Variants in RCC2 observed in about 807,000 individuals in gnomAD.
RCC2 encodes protein RCC2.
RCC2 carries 19 observed loss-of-function variants against 64.1 expected under a neutral mutation model. The ratio of observed to expected loss-of-function variants is 0.30; its 90% CI spans 0.21 to 0.44. The LOEUF is 0.44. Ranked by LOEUF, RCC2 falls within the 20% of genes least tolerant of loss-of-function variation. RCC2 has a pLI of 1.00. For synonymous variants in RCC2, 325 were observed against 279.6 expected (o/e 1.16, Z -1.62); for missense variants, 508 against 710.4 (o/e 0.72, Z 3.24).
intron 5 of RCC2, 112 bp downstream of exon 5, chr1:17,422,593 G>T (rs2075567356): frequency 1.4e-6 from 2 of 1,404,202 alleles, no homozygotes; most frequent in South Asian, 1.3e-5. Flanking sequence ...GCCTCTTTCT[G>T]ATCCTGACCA....
At chr1:17,431,726 C>T (rs980752949) in intron 2 of RCC2, among the ~76,000 whole-genome samples, 2 of 151,832 alleles carry the variant, frequency 1.3e-5, no homozygotes, top group African/African-American at 4.8e-5. Context: ...GGTTCCGTCA[C>T]GCTTGCCCAC....
intron 11 of RCC2, among the ~76,000 whole-genome samples, chr1:17,411,436 C>T (rs1038555050): frequency 5.3e-5 from 8 of 152,006 alleles, no homozygotes; most frequent in East Asian, 1.9e-4. Flanking sequence ...ATTAGCTGGG[C>T]GTGGTGGCAA....
intron 11 of RCC2, among the ~76,000 whole-genome samples, chr1:17,410,892 C>T (rs1388085145): frequency 1.3e-5 from 2 of 152,134 alleles, no homozygotes; most frequent in Non-Finnish European, 2.9e-5. Flanking sequence ...TTCTGATAGG[C>T]CCCAGAAAAC....
chr1:17,435,161 G>T (rs1443002695), intron 2 of RCC2, among the ~76,000 whole-genome samples: 1 of 152,108 alleles, frequency 6.6e-6, no homozygotes, highest in Non-Finnish European at 1.5e-5. Flanking sequence ...TGAGAGCGGA[G>T]GAAAAAAGAA....
chr1:17,409,020 T>C lies in RCC2; in HGVS notation c.*70A>G. 8.4e-7 allele frequency: 1 copy of C among 1,185,628 alleles called. No individual in the cohort carries two copies. The highest frequency in any genetic ancestry group is 1.3e-6 in the Non-Finnish European group (1 of 792,764). The allele number at this position is 1,185,628 out of a possible 1,614,324, so 73.4% of individuals were successfully genotyped here. On this transcript the variant is annotated 3_prime_UTR_variant, in exon 13 of 13. Transcript: ENST00000375436. ...GCTTTTTTAAATTCCTCGTTTGACT[T>C]CCCGTCCCAGTGCACATGGAAATGA...
At chr1:17,419,638 G>A (rs1029774391) in intron 7 of RCC2, among the ~76,000 whole-genome samples, 3 of 152,200 alleles carry the variant, frequency 2.0e-5, no homozygotes, top group Non-Finnish European at 1.5e-5. Context: ...ATGGTGCCTG[G>A]CACACACAGT....
chr1:17,412,002 G>C, intron 11 of RCC2, 120 bp downstream of exon 11: 1 of 850,034 alleles, frequency 1.2e-6, no homozygotes, highest in Non-Finnish European at 2.0e-6. Flanking sequence ...AATACAATAA[G>C]GGGGGAATCC....
chr1:17,410,697 CCCAGCCCAGG>C (rs2075415056), intron 11 of RCC2, among the ~76,000 whole-genome samples: 1 of 152,026 alleles, frequency 6.6e-6, no homozygotes, highest in South Asian at 2.1e-4. Flanking sequence ...ACCCTCCCTC[CCCAGCCCAGG>C]CCTGCCCACA....
intron 1 of RCC2, 83 bp from the exon 2 acceptor site, chr1:17,438,605 G>T: frequency 1.6e-6 from 2 of 1,219,268 alleles, no homozygotes; most frequent in Non-Finnish European, 2.1e-6. Flanking sequence ...GAGCCACCCG[G>T]CCTCCACTTC....
chr1:17,438,182 C>G, intron 2 of RCC2, 48 bp downstream of exon 2: 1 of 1,150,500 alleles, frequency 8.7e-7, no homozygotes, highest in Non-Finnish European at 1.1e-6. Context: ...TCGCTGAGCC[C>G]GCCGGCCCCG....
intron 4 of RCC2, among the ~76,000 whole-genome samples, chr1:17,423,880 G>A (rs562946567): frequency 4.0e-4 from 61 of 152,232 alleles, no homozygotes; most frequent in Non-Finnish European, 7.8e-4. Context: ...CAGCTGTCCT[G>A]GAGAAGGCTT....
intron 8 of RCC2, among the ~76,000 whole-genome samples, chr1:17,415,982 T>C (rs2075478929): frequency 6.7e-6 from 1 of 148,488 alleles, no homozygotes; most frequent in South Asian, 2.1e-4. Context: ...GGCAGGAGAA[T>C]TGCTTGAACC....
intron 5 of RCC2, 123 bp from the exon 6 acceptor site, chr1:17,422,414 T>C (rs2075565771): frequency 1.1e-6 from 1 of 908,924 alleles, no homozygotes; most frequent in African/African-American, 1.7e-5. Flanking sequence ...CAAGTGAGAC[T>C]GCCCAAAAGC....
intron 7 of RCC2, among the ~76,000 whole-genome samples, chr1:17,418,362 A>G (rs1053473989): frequency 6.6e-6 from 1 of 152,094 alleles, no homozygotes; most frequent in Admixed American, 6.5e-5. Context: ...GTCCGTTTAA[A>G]AGTCTGAGGG....
At position 17,412,230 on chromosome 1, in the gene RCC2, GC is replaced by G. The variant is rs370262803; in HGVS notation, c.1314-37del. On this transcript the variant is annotated intron_variant, in intron 10 of 12. Transcript: ENST00000375436. Reference sequence around the variant, plus strand: ...GCAGGCTGTCACTGCAGGGCCAGCAGCCCCAGACCTGCACCCACGCAGCTAT... The same window carrying G: ...GCAGGCTGTCACTGCAGGGCCAGCAGCCCAGACCTGCACCCACGCAGCTAT... 3.8e-4 allele frequency: 604 copies of G among 1,601,744 alleles called. 2 individuals carry two copies. In the African/African-American group the frequency reaches 7.4e-3, roughly 20 times the overall value.
chr1:17,438,273 G>GCGC lies in RCC2; in HGVS notation c.239_241dup (p.Gly80dup). 7.6e-7 allele frequency: 1 copy of GCGC among 1,309,956 alleles called. No individual in the cohort carries two copies. The highest frequency in any genetic ancestry group is 9.9e-7 in the Non-Finnish European group (1 of 1,012,444). The allele number at this position is 1,309,956 out of a possible 1,614,324, so 81.1% of individuals were successfully genotyped here. A position where few individuals can be genotyped will look rare whatever the true frequency, so the allele number is the denominator to read the frequency against. On this transcript the variant is annotated inframe_insertion, in exon 2 of 13. Coordinates refer to ENST00000375436, the MANE Select transcript of RCC2 (RefSeq NM_018715.4). Reference sequence around the variant, plus strand: ...CTCGGGTTCGGTGATGACCACGGCCGCGCCGCCCGCCTTGCCTGCTGTCGC... The same window carrying GCGC: ...CTCGGGTTCGGTGATGACCACGGCCGCGCCGCCGCCCGCCTTGCCTGCTGTCGC...
At chr1:17,438,596 A>G in intron 1 of RCC2, 74 bp from the exon 2 acceptor site, 1 of 1,246,320 alleles carries the variant, frequency 8.0e-7, no homozygotes, top group Non-Finnish European at 1.0e-6. Flanking sequence ...AGCGGAGACG[A>G]GCCACCCGGC....
intron 2 of RCC2, among the ~76,000 whole-genome samples, chr1:17,433,040 A>G (rs574085409): frequency 2.4e-3 from 363 of 152,310 alleles, no homozygotes; most frequent in African/African-American, 8.2e-3. Context: ...ACACACATAT[A>G]CATACGTGTG....
At chr1:17,431,226 C>A (rs1433938957) in intron 2 of RCC2, among the ~76,000 whole-genome samples, 7 of 141,752 alleles carry the variant, frequency 4.9e-5, no homozygotes, top group African/African-American at 1.6e-4. Flanking sequence ...CCCAGCTACT[C>A]GGGAGGCTGA....
Sources: gnomAD v4.1 joint callset for allele counts (sites outside exome capture counted in the v4.1 genomes callset) on GRCh38, gnomAD v4.1.1 for gene constraint, MANE v1.5 for transcripts, NCBI Gene and HGNC (gene_info 2026-07-23, HGNC 2026-07-21) for gene names.